MACROD2: variants seen among roughly 807,000 people sequenced by gnomAD.
The protein encoded by MACROD2 is ADP-ribose glycohydrolase MACROD2.
MACROD2 carries 36 observed loss-of-function variants against 70.4 expected under a neutral mutation model. The observed-to-expected ratio is 0.51, with a 90% CI of 0.39 to 0.68. MACROD2 has a LOEUF of 0.68. Ranked by LOEUF, MACROD2 falls within the 30% of genes least tolerant of loss-of-function variation. The pLI is 0.00. For synonymous variants in MACROD2, 172 were observed against 178.8 expected (o/e 0.96, Z 0.30); for missense variants, 496 against 538.4 (o/e 0.92, Z 0.78).
At chr20:14,833,911 G>T (rs2072999652) in intron 5 of MACROD2, among the ~76,000 whole-genome samples, 1 of 152,020 alleles carries the variant, frequency 6.6e-6, no homozygotes. Context: ...CAACTCTAGT[G>T]ATTCAAAATG....
chr20:14,456,429 G>T (rs2084303074), intron 3 of MACROD2, among the ~76,000 whole-genome samples: 1 of 151,766 alleles, frequency 6.6e-6, no homozygotes, highest in Non-Finnish European at 1.5e-5. Context: ...CATCATTCAT[G>T]ATTAAAGACA....
chr20:15,185,656 C>A (rs2076529886), intron 5 of MACROD2, among the ~76,000 whole-genome samples: 1 of 152,152 alleles, frequency 6.6e-6, no homozygotes, highest in African/African-American at 2.4e-5. Context: ...GGTCTGATAA[C>A]AAAGTTAAAA....
intron 4 of MACROD2, among the ~76,000 whole-genome samples, chr20:14,576,099 A>T (rs1488918805): frequency 1.3e-5 from 2 of 152,192 alleles, no homozygotes; most frequent in Non-Finnish European, 1.5e-5. Context: ...CATCAGGAAG[A>T]GGTACCAGCA....
At chr20:15,220,537 G>A (rs1056832941) in intron 5 of MACROD2, among the ~76,000 whole-genome samples, 26 of 152,240 alleles carry the variant, frequency 1.7e-4, no homozygotes, top group Non-Finnish European at 2.1e-4. Context: ...CCTAAGGCAG[G>A]ATGCCATATG....
intron 6 of MACROD2, among the ~76,000 whole-genome samples, chr20:15,312,957 TTCATCTA>T (rs2077769289): frequency 6.6e-6 from 1 of 152,254 alleles, no homozygotes; most frequent in Admixed American, 6.5e-5. Context: ...AGTACATGTA[TTCATCTA>T]TCTATGCCTT....
At chr20:14,384,485 A>T (rs1015890782) in intron 3 of MACROD2, among the ~76,000 whole-genome samples, 3 of 152,128 alleles carry the variant, frequency 2.0e-5, no homozygotes, top group Admixed American at 2.0e-4. Flanking sequence ...AGGGTTTTTG[A>T]TGTCCTCTGG....
intron 5 of MACROD2, among the ~76,000 whole-genome samples, chr20:15,082,389 A>C (rs2075710727): frequency 6.6e-6 from 1 of 152,166 alleles, no homozygotes; most frequent in Non-Finnish European, 1.5e-5. Context: ...TAGAGGAAAA[A>C]GATAATATAG....
intron 8 of MACROD2, among the ~76,000 whole-genome samples, chr20:15,605,453 C>CGT (rs57584580): frequency 0.22 from 31,503 of 141,574 alleles, 3,393 homozygotes; most frequent in East Asian, 0.27. Flanking sequence ...AGGATGTAAG[C>CGT]GTGTGTGTGT....
intron 7 of MACROD2, among the ~76,000 whole-genome samples, chr20:15,498,387 G>A (rs934919144): frequency 1.3e-5 from 2 of 151,916 alleles, no homozygotes; most frequent in Non-Finnish European, 2.9e-5. Flanking sequence ...CTCCATTTCC[G>A]CAACGTCTCT....
At chr20:15,951,292 G>GAT (rs138326454) in intron 12 of MACROD2, among the ~76,000 whole-genome samples, 2,021 of 135,086 alleles carry the variant, frequency 0.015, 44 homozygotes, top group African/African-American at 0.05. Flanking sequence ...TTCCTAGGAG[G>GAT]ATATATTTAT....
intron 3 of MACROD2, among the ~76,000 whole-genome samples, chr20:14,428,127 A>T (rs549103650): frequency 6.6e-6 from 1 of 152,246 alleles, no homozygotes; most frequent in African/African-American, 2.4e-5. Flanking sequence ...GCCATTTTGT[A>T]AACTGACAGA....
Position 14,763,392 on chromosome 20 carries a change from C to A in MACROD2, c.418+78433C>A, listed in dbSNP as rs150179450. 1.4e-3 allele frequency among the ~76,000 whole-genome samples: 209 copies of A among 152,170 alleles called. 1 individual carries two copies. Among genetic ancestry groups the A allele is most frequent in the Middle Eastern group, 0.01 (3 of 294 alleles). On this transcript the variant is annotated intron_variant, in intron 5 of 17. Transcript: ENST00000684519. Reference sequence around the variant, plus strand: ...GATTTGGATTTCTAAAAGGGAAAGACAGAAGAGTTCTAATTAATGGAATGG... The same window carrying A: ...GATTTGGATTTCTAAAAGGGAAAGAAAGAAGAGTTCTAATTAATGGAATGG...
At chr20:14,029,192 T>A (rs2053217821) in intron 2 of MACROD2, among the ~76,000 whole-genome samples, 1 of 152,228 alleles carries the variant, frequency 6.6e-6, no homozygotes, top group Admixed American at 6.5e-5. Context: ...AACTAAGTTC[T>A]TATACAGGCA....
At chr20:14,277,423 C>G (rs1386129603) in intron 3 of MACROD2, among the ~76,000 whole-genome samples, 1 of 152,172 alleles carries the variant, frequency 6.6e-6, no homozygotes, top group Non-Finnish European at 1.5e-5. Flanking sequence ...AGCGTGGTGA[C>G]AGAGTGAGAC....
intron 5 of MACROD2, among the ~76,000 whole-genome samples, chr20:14,911,071 C>A (rs1341179104): frequency 6.6e-6 from 1 of 152,142 alleles, no homozygotes; most frequent in Non-Finnish European, 1.5e-5. Context: ...TGAAGAGGGC[C>A]ATTTGATTCT....
chr20:14,057,869 GCAA>G (rs2053648457), intron 2 of MACROD2, among the ~76,000 whole-genome samples: 2 of 152,158 alleles, frequency 1.3e-5, no homozygotes, highest in South Asian at 4.1e-4. Context: ...GCGGCCCCGT[GCAA>G]CAACAAAGAT....
At chr20:14,438,763 T>A (rs891265204) in intron 3 of MACROD2, among the ~76,000 whole-genome samples, 1 of 152,208 alleles carries the variant, frequency 6.6e-6, no homozygotes, top group Non-Finnish European at 1.5e-5. Context: ...GGATTATATG[T>A]TTTCTTGCTA....
chr20:15,529,092 T>A (rs2047761051), intron 8 of MACROD2, among the ~76,000 whole-genome samples: 1 of 152,182 alleles, frequency 6.6e-6, no homozygotes, highest in African/African-American at 2.4e-5. Context: ...ACACCACTGC[T>A]CCACGTGATT....
intron 4 of MACROD2, among the ~76,000 whole-genome samples, chr20:14,639,917 A>G (rs1318150896): frequency 2.0e-5 from 3 of 152,136 alleles, no homozygotes; most frequent in Non-Finnish European, 4.4e-5. Context: ...CAAGCAAGCG[A>G]ACTACACCAG....
Sources: gnomAD v4.1 joint callset for allele counts (sites outside exome capture counted in the v4.1 genomes callset) on GRCh38, gnomAD v4.1.1 for gene constraint, MANE v1.5 for transcripts, NCBI Gene and HGNC (gene_info 2026-07-23, HGNC 2026-07-21) for gene names.